FILIP1: variants seen among roughly 807,000 people sequenced by gnomAD.
FILIP1 encodes filamin A interacting protein 1.
FILIP1 carries 61 observed loss-of-function variants against 102.1 expected under a neutral mutation model. That is an observed-to-expected ratio of 0.60 (90% confidence interval 0.49 to 0.74). The LOEUF is 0.74. Ranked by LOEUF, FILIP1 falls within the 30% of genes least tolerant of loss-of-function variation. The pLI is 0.00. For synonymous variants in FILIP1, 491 were observed against 526.9 expected, an observed-to-expected ratio of 0.93 and a Z score of 0.93; for missense variants, 1,314 against 1,441.2, an observed-to-expected ratio of 0.91 and a Z score of 1.43.
At chr6:75,469,742 C>A (rs904970565) in intron 1 of FILIP1, among the ~76,000 whole-genome samples, 4 of 151,996 alleles carry the variant, frequency 2.6e-5, no homozygotes, top group Non-Finnish European at 5.9e-5. Flanking sequence ...CCCAGGAATA[C>A]AAAATATAGC....
intron 6 of FILIP1, among the ~76,000 whole-genome samples, chr6:75,298,713 T>A (rs1222908415): frequency 6.6e-6 from 1 of 152,112 alleles, no homozygotes; most frequent in African/African-American, 2.4e-5. Context: ...GGTCAGGAGT[T>A]CAAGACCAGT....
intron 2 of FILIP1, among the ~76,000 whole-genome samples, chr6:75,397,539 C>G (rs901059198): frequency 2.7e-4 from 2 of 7,456 alleles, no homozygotes; most frequent in Admixed American, 8.7e-4. Context: ...ACATATAAGA[C>G]ACACACACAC....
intron 6 of FILIP1, chr6:75,296,066 A>C: frequency 1.6e-6 from 1 of 643,916 alleles, no homozygotes. Context: ...AAACAGGTAC[A>C]TGAGGCTAAT....
At position 75,313,308 on chromosome 6, in the gene FILIP1, C is replaced by G. The variant is rs1272244605; in HGVS notation, c.2524G>C (p.Gly842Arg). 1.2e-6 allele frequency: 2 copies of G among 1,614,144 alleles called. No homozygotes were observed. The highest frequency in any genetic ancestry group is 1.7e-5 in the Admixed American group (1 of 60,016). ...GATCTTTCCACGGGTTTCTTCAATC[C>G]CACCTGCCGAAGATTACTCATAATA... ...NHIMSNLRQV[G>R]LKKPVERSSV... is the part of the protein sequence containing the mutation. The change falls in exon 5 of 6, where the codon GGA becomes CGA. Residue 842 changes from glycine (G) to arginine (R), a missense_variant. Coordinates refer to ENST00000237172, the MANE Select transcript of FILIP1 (RefSeq NM_015687.5). This position sits in a 1 kb window ranked among gnomAD's most constrained non-coding sequence, Gnocchi z 4.2.
intron 3 of FILIP1, among the ~76,000 whole-genome samples, chr6:75,355,037 G>A (rs140294540): frequency 3.3e-4 from 51 of 152,262 alleles, no homozygotes; most frequent in Non-Finnish European, 5.7e-4. Flanking sequence ...GCTCATGCCC[G>A]TAATCTCAGC....
intron 3 of FILIP1, among the ~76,000 whole-genome samples, chr6:75,355,006 T>G (rs1206456791): frequency 6.6e-6 from 1 of 152,120 alleles, no homozygotes; most frequent in East Asian, 1.9e-4. Flanking sequence ...CCAAATATTA[T>G]TGCAGAGGCC....
intron 2 of FILIP1, among the ~76,000 whole-genome samples, chr6:75,404,847 C>T (rs934484901): frequency 2.0e-5 from 3 of 152,178 alleles, no homozygotes; most frequent in African/African-American, 7.2e-5. Context: ...TCACCACTTC[C>T]TATATCCTCC....
At chr6:75,373,014 C>A (rs555568153) in intron 2 of FILIP1, among the ~76,000 whole-genome samples, 1 of 151,962 alleles carries the variant, frequency 6.6e-6, no homozygotes. Flanking sequence ...TCACAATAGT[C>A]AAAAATAAGA....
chr6:75,316,496 T>G (rs1329123798), intron 4 of FILIP1, among the ~76,000 whole-genome samples: 6 of 143,276 alleles, frequency 4.2e-5, no homozygotes, highest in African/African-American at 1.7e-4. Context: ...ATTTGTGTGT[T>G]TTTTTTTTAC....
intron 4 of FILIP1, among the ~76,000 whole-genome samples, chr6:75,348,018 T>C (rs985944694): frequency 6.6e-6 from 1 of 151,814 alleles, no homozygotes; most frequent in Admixed American, 6.6e-5. Flanking sequence ...TTAAAATCTC[T>C]ATCTACAGTG....
At chr6:75,319,354 T>C (rs1307795459) in intron 4 of FILIP1, 10 of 634,034 alleles carry the variant, frequency 1.6e-5, no homozygotes, top group Non-Finnish European at 3.0e-5. Context: ...GAGCAGAACA[T>C]GAAAAAGGCC....
chr6:75,296,321 T>A (rs1336710455), intron 6 of FILIP1, among the ~76,000 whole-genome samples: 1 of 147,694 alleles, frequency 6.8e-6, no homozygotes, highest in Non-Finnish European at 1.5e-5. Context: ...CTGAACAATA[T>A]TTACACCTCT....
At chr6:75,417,069 C>G (rs1357727262) in intron 1 of FILIP1, among the ~76,000 whole-genome samples, 1 of 151,936 alleles carries the variant, frequency 6.6e-6, no homozygotes, top group East Asian at 1.9e-4. Flanking sequence ...AAAAATTCCA[C>G]CCATTTTAGA....
chr6:75,396,243 G>A (rs1776456648), intron 2 of FILIP1, among the ~76,000 whole-genome samples: 1 of 151,428 alleles, frequency 6.6e-6, no homozygotes, highest in Admixed American at 6.6e-5. Context: ...GCCGGGGTCA[G>A]CCCATGAAAG....
chr6:75,348,644 A>G (rs1007237454), intron 4 of FILIP1, among the ~76,000 whole-genome samples: 2 of 152,242 alleles, frequency 1.3e-5, no homozygotes, highest in Non-Finnish European at 2.9e-5. Flanking sequence ...TTACACTTAC[A>G]GGGTCTAGGT....
downstream of FILIP1, among the ~76,000 whole-genome samples, chr6:75,306,941 T>C (rs1773004777): frequency 3.9e-5 from 6 of 152,012 alleles, no homozygotes; most frequent in Admixed American, 3.9e-4. Context: ...TAGCTGAGAT[T>C]ATAGGCGCCC....
intron 2 of FILIP1, among the ~76,000 whole-genome samples, chr6:75,405,687 C>G (rs948713264): frequency 1.4e-4 from 21 of 152,170 alleles, no homozygotes; most frequent in Non-Finnish European, 1.5e-4. Context: ...ATGGCCCCTG[C>G]TGCTGTGTCG....
chr6:75,334,457 C>T (rs988627253), intron 4 of FILIP1, among the ~76,000 whole-genome samples: 5 of 152,156 alleles, frequency 3.3e-5, no homozygotes, highest in Non-Finnish European at 5.9e-5. Flanking sequence ...GAAAGGTTGT[C>T]GAGTTCTTAC....
intron 6 of FILIP1, among the ~76,000 whole-genome samples, chr6:75,297,820 CATAG>C (rs1772723423): frequency 6.6e-6 from 1 of 152,154 alleles, no homozygotes; most frequent in Non-Finnish European, 1.5e-5. Flanking sequence ...CTTAAGAAAG[CATAG>C]ATAAAGAGTG....
Sources: gnomAD v4.1 joint callset for allele counts (sites outside exome capture counted in the v4.1 genomes callset) on GRCh38, gnomAD v4.1.1 for gene constraint, Gnocchi (gnomAD v3.1) non-coding constraint, MANE v1.5 for transcripts, NCBI Gene and HGNC (gene_info 2026-07-23, HGNC 2026-07-21) for gene names.